CHST10: variants seen among roughly 807,000 people sequenced by gnomAD.
CHST10 encodes the protein carbohydrate sulfotransferase 10, also known as HNK-1 sulfotransferase.
In CHST10, 24 loss-of-function variants were observed where a neutral mutation model predicts 34.7. The ratio of observed to expected loss-of-function variants is 0.69; its 90% CI spans 0.50 to 0.97. CHST10 has a LOEUF of 0.97. Ranked by LOEUF, CHST10 falls within the 50% of genes least tolerant of loss-of-function variation. The pLI is 0.00. For missense variants in CHST10, 402 were observed against 452.1 expected (o/e 0.89, Z 1.00); for synonymous variants, 161 against 169.3 (o/e 0.95, Z 0.38).
intron 2 of CHST10, 85 bp from the exon 3 acceptor site, chr2:100,406,792 CA>C: frequency 1.3e-6 from 2 of 1,524,356 alleles, no homozygotes; most frequent in Non-Finnish European, 1.8e-6. Flanking sequence ...TGATTTCAGT[CA>C]GTAAGTATCA....
At chr2:100,394,539 G>T (rs1047296476) in intron 6 of CHST10, among the ~76,000 whole-genome samples, 4 of 152,204 alleles carry the variant, frequency 2.6e-5, no homozygotes, top group Non-Finnish European at 5.9e-5. Context: ...GTAAGGATGG[G>T]CAGGTGCCAT....
intron 2 of CHST10, among the ~76,000 whole-genome samples, chr2:100,410,029 G>T (rs1033278808): frequency 6.6e-6 from 1 of 152,104 alleles, no homozygotes; most frequent in Non-Finnish European, 1.5e-5. Flanking sequence ...AGCTTCAGGG[G>T]CAAAACCCTA....
chr2:100,393,650 G>C lies in CHST10; in HGVS notation c.666C>G (p.Ile222Met). ...WYRHEIAPGIIRKYRRNRTET... is the reference protein window; with the variant it reads ...WYRHEIAPGIMRKYRRNRTET... ...CTGTCCGGTTCCTCCTGTATTTTCT[G>C]ATGATGCCAGGAGCAATCTCATGCC... is the stretch of plus-strand genomic sequence containing the variant. The change falls in exon 7 of 7, where the codon ATC (isoleucine) becomes ATG (methionine). Residue 222 changes from isoleucine (I) to methionine (M), a missense_variant. Transcript: ENST00000264249. 6.2e-7 allele frequency: 1 copy of C among 1,614,164 alleles called. No homozygotes were observed. The highest frequency in any genetic ancestry group is 8.5e-7 in the Non-Finnish European group (1 of 1,180,030).
chr2:100,406,532 G>C (rs1342480533), intron 3 of CHST10, 44 bp downstream of exon 3: 2 of 1,610,420 alleles, frequency 1.2e-6, no homozygotes, highest in East Asian at 4.5e-5. Flanking sequence ...GTTGCAGCTA[G>C]GTCTAAATTA....
chr2:100,393,045 C>T lies in CHST10; in HGVS notation c.*200G>A. On this transcript the variant is annotated 3_prime_UTR_variant, in exon 7 of 7. Transcript: ENST00000264249. ...ATGCACGCAGGGGTGTGGGCAGGGTCCTCAGAGCATCTTACATCCAAACTA... is the reference window on the plus strand; with the variant it reads ...ATGCACGCAGGGGTGTGGGCAGGGTTCTCAGAGCATCTTACATCCAAACTA... 1 of 610,412 alleles carries T rather than the reference C, an allele frequency of 1.6e-6. No individual in the cohort carries two copies. Among genetic ancestry groups the T allele is most frequent in the Admixed American group, 3.0e-5 (1 of 33,882 alleles). The allele number at this position is 610,412 out of a possible 1,614,324, so 37.8% of individuals were successfully genotyped here.
chr2:100,416,785 C>T (rs537418059), intron 1 of CHST10: 40 of 384,486 alleles, frequency 1.0e-4, no homozygotes, highest in South Asian at 7.8e-4. Flanking sequence ...CATTCACTGC[C>T]CAACCCTTTC....
At chr2:100,411,196 A>G (rs1321379081) in intron 2 of CHST10, among the ~76,000 whole-genome samples, 6 of 145,456 alleles carry the variant, frequency 4.1e-5, no homozygotes, top group African/African-American at 1.6e-4. Context: ...GGCTCACTGC[A>G]TCCTGCACCT....
chr2:100,406,830 T>G (rs185391546), intron 2 of CHST10, 123 bp from the exon 3 acceptor site: 11 of 1,128,844 alleles, frequency 9.7e-6, no homozygotes, highest in Non-Finnish European at 1.2e-5. Context: ...TTTTTTCCAC[T>G]GCTACAATAG....
intron 3 of CHST10, among the ~76,000 whole-genome samples, chr2:100,403,502 T>TA (rs1367412082): frequency 1.3e-5 from 2 of 152,066 alleles, no homozygotes; most frequent in African/African-American, 4.8e-5. Context: ...ACTGTAACAC[T>TA]AAAAAAAGTA....
intron 4 of CHST10, among the ~76,000 whole-genome samples, chr2:100,401,588 C>T (rs1012849268): frequency 1.3e-5 from 2 of 152,192 alleles, no homozygotes; most frequent in African/African-American, 4.8e-5. Flanking sequence ...TAAAGCCACT[C>T]TCCTATTTCC....
intron 6 of CHST10, among the ~76,000 whole-genome samples, chr2:100,394,237 G>C (rs959338218): frequency 8.9e-5 from 13 of 146,158 alleles, no homozygotes; most frequent in African/African-American, 3.6e-4. Flanking sequence ...CAGGGGAAGG[G>C]GGGCAAGAGA....
chr2:100,409,878 C>A (rs1675750184), intron 2 of CHST10, among the ~76,000 whole-genome samples: 1 of 152,192 alleles, frequency 6.6e-6, no homozygotes, highest in African/African-American at 2.4e-5. Context: ...TACAGAGAGT[C>A]CCTTCCCTGG....
At chr2:100,416,409 C>CAATTCTG (rs1349725734) in intron 1 of CHST10, 1 of 152,394 alleles carries the variant, frequency 6.6e-6, no homozygotes, top group Non-Finnish European at 1.5e-5. Flanking sequence ...GGGTCAAGAG[C>CAATTCTG]AATTCTGAAT....
chr2:100,409,829 T>C (rs1192618976), intron 2 of CHST10, among the ~76,000 whole-genome samples: 1 of 152,218 alleles, frequency 6.6e-6, no homozygotes, highest in East Asian at 1.9e-4. Flanking sequence ...AAAATCCATT[T>C]TTAACTTGAC....
chr2:100,412,143 G>C (rs571116473), intron 2 of CHST10, among the ~76,000 whole-genome samples: 1 of 152,310 alleles, frequency 6.6e-6, no homozygotes, highest in Non-Finnish European at 1.5e-5. Context: ...GGTACAAAAA[G>C]CAAATGCCCA....
At chr2:100,393,811 C>T (rs1345720165) in intron 6 of CHST10, 29 bp from the exon 7 acceptor site, 3 of 1,576,348 alleles carry the variant, frequency 1.9e-6, no homozygotes, top group Middle Eastern at 1.7e-4. Context: ...AAGAGGTTAA[C>T]TTGATGCCAC....
At chr2:100,401,244 C>T (rs2104343680) in intron 4 of CHST10, among the ~76,000 whole-genome samples, 1 of 152,286 alleles carries the variant, frequency 6.6e-6, no homozygotes, top group East Asian at 1.9e-4. Flanking sequence ...ACCCAGTGAG[C>T]ACAGTTCCTT....
chr2:100,394,268 C>T (rs76905704), intron 6 of CHST10, among the ~76,000 whole-genome samples: 5,825 of 152,230 alleles, frequency 0.038, 359 homozygotes, highest in African/African-American at 0.13. Flanking sequence ...TCAGGCTTCA[C>T]GCTCCAGAGG....
At chr2:100,403,121 A>G (rs1367460528) in intron 3 of CHST10, among the ~76,000 whole-genome samples, 1 of 152,224 alleles carries the variant, frequency 6.6e-6, no homozygotes, top group African/African-American at 2.4e-5. Flanking sequence ...CTAATTAGAA[A>G]ATAGGTACGA....
Sources: allele counts gnomAD v4.1 joint callset (sites outside exome capture counted in the v4.1 genomes callset), GRCh38; gene constraint gnomAD v4.1.1; transcripts MANE v1.5; gene names NCBI Gene and HGNC (gene_info 2026-07-23, HGNC 2026-07-21).